Variants in PRAMEF19 observed in about 807,000 individuals in gnomAD.
The protein encoded by PRAMEF19 is PRAME family member 19, also known as PRAME family member-like.
PRAMEF19 carries 21 observed loss-of-function variants against 33.1 expected under a neutral mutation model. That is an observed-to-expected ratio of 0.63 (90% CI 0.45 to 0.91). The LOEUF is 0.91. Ranked by LOEUF, PRAMEF19 falls within the 40% of genes least tolerant of loss-of-function variation. The pLI is 0.00. For missense variants in PRAMEF19, 481 were observed against 585.2 expected (o/e 0.82, Z 1.84); for synonymous variants, 179 against 229.3 (o/e 0.78, Z 1.98).
exon 3 of PRAMEF19, chr1:13,369,145 G>T: frequency 6.2e-7 from 1 of 1,611,834 alleles, no homozygotes; most frequent in Non-Finnish European, 8.5e-7. Flanking sequence ...GGCAGGAGAC[G>T]GGACCAAAGA....
chr1:13,369,327 G>T (rs1640639928), exon 3 of PRAMEF19: 1 of 1,611,948 alleles, frequency 6.2e-7, no homozygotes, highest in Non-Finnish European at 8.5e-7. Flanking sequence ...AGGTCCTTCA[G>T]ACCATCCATG....
exon 1 of PRAMEF19, chr1:13,371,685 C>T (rs1228276160): frequency 1.6e-5 from 25 of 1,610,260 alleles, no homozygotes; most frequent in Middle Eastern, 2.1e-4. Context: ...CCAGATCAGG[C>T]GTCTTCATCA....
At chr1:13,370,617 T>G (rs1640658094) in intron 2 of PRAMEF19, 32 bp downstream of exon 2, 2 of 1,613,128 alleles carry the variant, frequency 1.2e-6, no homozygotes, top group African/African-American at 1.3e-5. Flanking sequence ...CTGTGCTGTG[T>G]CCCCCAGAGA....
chr1:13,370,705 C>T (rs1180545002), exon 2 of PRAMEF19: 10 of 1,613,842 alleles, frequency 6.2e-6, no homozygotes, highest in Non-Finnish European at 7.6e-6. Flanking sequence ...TATAAAGCAT[C>T]TGGAGGTACT....
rs1412698391 is a variant in PRAMEF19 at position 13,370,839 on chromosome 1, G to C, written c.676C>G (p.Arg226Gly). 3.7e-6 allele frequency: 6 copies of C among 1,613,810 alleles called. No individual in the cohort carries two copies. In the East Asian group the frequency reaches 1.3e-4, roughly 36 times the overall value. ...AGATTCTTCATCTGGCTCAGGTAAC[G>C]GCTAACCTCTGCTACCATACACGGC... The change falls in exon 2 of 3, where the codon CGT (arginine) becomes GGT (glycine). Residue 226 changes from arginine to glycine, a missense_variant. Arg to Gly is a moderately radical substitution (Grantham distance 125, BLOSUM62 -2). Around this residue, in one of 3 missense-constraint regions of PRAMEF19, gnomAD observed 392 missense variants for 397.5 expected, o/e 0.99. Transcript: ENST00000376101.
Position 13,370,859 on chromosome 1 carries a change from CA to C in PRAMEF19, c.655del (p.Cys219ValfsTer3), listed in dbSNP as rs1450017821. 2 of 1,613,872 alleles carry C rather than the reference CA, an allele frequency of 1.2e-6. No individual in the cohort carries two copies. Among genetic ancestry groups the C allele is most frequent in the Non-Finnish European group, 1.7e-6 (2 of 1,179,876 alleles). ...GTAACGGCTAACCTCTGCTACCATA[CA>C]CGGCCAGCACATGTTCCAAATTTCC... On this transcript the variant is annotated frameshift_variant, in exon 2 of 3. Coordinates refer to ENST00000376101, the Ensembl canonical transcript of PRAMEF19. LOFTEE classifies it high-confidence loss of function.
intron 2 of PRAMEF19, among the ~76,000 whole-genome samples, chr1:13,369,848 T>C (rs1335007443): frequency 1.3e-5 from 2 of 151,270 alleles, no homozygotes; most frequent in Non-Finnish European, 2.9e-5. Context: ...CCATCACTGG[T>C]GTGATTGGTT....
At chr1:13,370,943 T>A (rs1425863165) in exon 2 of PRAMEF19, 2 of 1,613,402 alleles carry the variant, frequency 1.2e-6, no homozygotes, top group African/African-American at 2.7e-5. Context: ...ATTTAGAATG[T>A]TCATTGAATA....
exon 2 of PRAMEF19, chr1:13,370,662 C>G (rs1640658536): frequency 6.2e-6 from 10 of 1,613,822 alleles, no homozygotes; most frequent in Non-Finnish European, 7.6e-6. Context: ...ATCAGCTGGT[C>G]CAGGTAGCCT....
chr1:13,368,705 C>T (rs1404754903), downstream of PRAMEF19, among the ~76,000 whole-genome samples: 2 of 152,198 alleles, frequency 1.3e-5, no homozygotes, highest in Non-Finnish European at 2.9e-5. Context: ...CCCTGAGTCT[C>T]AGTGACTCCA....
downstream of PRAMEF19, chr1:13,369,036 T>C (rs1469358952): frequency 5.6e-6 from 9 of 1,611,702 alleles, no homozygotes; most frequent in African/African-American, 1.2e-4. Flanking sequence ...TCCAAGTGCC[T>C]GGAGAAAAAG....
chr1:13,368,931 A>G, downstream of PRAMEF19: 5 of 1,351,036 alleles, frequency 3.7e-6, no homozygotes, highest in Non-Finnish European at 5.0e-6. Flanking sequence ...TGGACAACAT[A>G]GGGAAACCCT....
exon 2 of PRAMEF19, chr1:13,371,093 G>A (rs1323647432): frequency 6.2e-7 from 1 of 1,612,078 alleles, no homozygotes; most frequent in East Asian, 2.2e-5. Flanking sequence ...CTTCTCTCCT[G>A]TCCTTGGACA....
exon 3 of PRAMEF19, chr1:13,369,436 C>T: frequency 1.2e-6 from 2 of 1,613,752 alleles, no homozygotes; most frequent in South Asian, 2.2e-5. Flanking sequence ...TCCCACAGTC[C>T]ACTAAGAAGA....
rs1454065039 is a variant in PRAMEF19, at chr1:13,371,673, C to A, written c.228G>T (p.Glu76Asp). 1.9e-6 allele frequency: 3 copies of A among 1,610,526 alleles called. No homozygotes were observed. The African/African-American group carries it at 4.0e-5, about 22-fold the overall frequency. Residue 76 changes from glutamate to aspartate, a missense_variant, in exon 1 of 3, where the codon GAG becomes GAT. Physicochemically the swap from Glu to Asp is conservative, Grantham distance 45 (BLOSUM62 2). Coordinates refer to ENST00000376101, the Ensembl canonical transcript of PRAMEF19. ...TCCCATCCACTACATAATGTAAGAT[C>A]TCCAGATCAGGCGTCTTCATCAGGG...
exon 2 of PRAMEF19, chr1:13,371,023 C>T (rs1198338004): frequency 6.2e-7 from 1 of 1,612,008 alleles, no homozygotes. Flanking sequence ...AGAAGAAGCT[C>T]AGATCTTCAT....
exon 2 of PRAMEF19, chr1:13,370,913 G>C (rs2100383899): frequency 6.2e-7 from 1 of 1,613,890 alleles, no homozygotes; most frequent in East Asian, 2.2e-5. Flanking sequence ...TGGGTATACT[G>C]TTTCTAATAT....
chr1:13,368,866 A>C (rs1174913009), downstream of PRAMEF19, among the ~76,000 whole-genome samples: 2 of 152,148 alleles, frequency 1.3e-5, no homozygotes, highest in Admixed American at 6.5e-5. Flanking sequence ...GTAATCCCAG[A>C]ATCTTGGGAG....
chr1:13,371,822 C>G, exon 1 of PRAMEF19: 1 of 1,609,246 alleles, frequency 6.2e-7, no homozygotes, highest in South Asian at 1.1e-5. Flanking sequence ...TCATCCAGGA[C>G]GGAGATGGCC....
Sources: gnomAD v4.1 joint callset for allele counts (sites outside exome capture counted in the v4.1 genomes callset) on GRCh38, gnomAD v4.1.1 for gene constraint, gnomAD v4.1.1 regional missense constraint, MANE v1.5 for transcripts, NCBI Gene and HGNC (gene_info 2026-07-23, HGNC 2026-07-21) for gene names.